The following ARMH3 variants were observed in gnomAD, a reference collection of about 807,000 sequenced individuals.
ARMH3 encodes armadillo like helical domain containing 3.
ARMH3 carries 60 observed loss-of-function variants against 99.1 expected under a neutral mutation model. The ratio of observed to expected loss-of-function variants is 0.61; its 90% CI spans 0.49 to 0.75. ARMH3 has a LOEUF of 0.75. ARMH3 is among the 30% of genes least tolerant of loss of function. The pLI is 0.00. For missense variants in ARMH3, 679 were observed against 843.1 expected (o/e 0.81, Z 2.41); for synonymous variants, 285 against 292.8 (o/e 0.97, Z 0.27).
At chr10:101,954,236 C>T (rs1027858002) in intron 22 of ARMH3, among the ~76,000 whole-genome samples, 1 of 152,116 alleles carries the variant, frequency 6.6e-6, no homozygotes, top group Non-Finnish European at 1.5e-5. Flanking sequence ...CAATAAGGTA[C>T]AAGAATGTTA....
At chr10:101,908,061 ACATGGCCAGTG>A (rs947522709) in intron 23 of ARMH3, among the ~76,000 whole-genome samples, 7 of 152,106 alleles carry the variant, frequency 4.6e-5, no homozygotes, top group African/African-American at 1.4e-4. Context: ...AGCATCTGAA[ACATGGCCAGTG>A]CAACTAAAGA....
At chr10:101,939,160 T>TA (rs1262412897) in intron 23 of ARMH3, among the ~76,000 whole-genome samples, 1 of 152,248 alleles carries the variant, frequency 6.6e-6, no homozygotes, top group East Asian at 1.9e-4. Flanking sequence ...TACTCAATGT[T>TA]AATTTTTCAA....
chr10:101,973,359 CAAAAAAAA>C (rs56712768), intron 20 of ARMH3, among the ~76,000 whole-genome samples: 1 of 80,158 alleles, frequency 1.2e-5, no homozygotes, highest in East Asian at 2.9e-4. Context: ...GACTCCGTCT[CAAAAAAAA>C]AAAAAAAAAA....
At chr10:101,855,679 G>A (rs2066721285) in intron 24 of ARMH3, among the ~76,000 whole-genome samples, 1 of 147,310 alleles carries the variant, frequency 6.8e-6, no homozygotes, top group Admixed American at 6.8e-5. Flanking sequence ...CCAAAGTGCT[G>A]GAATCACAGG....
At chr10:102,044,641 G>A (rs2067502861) in intron 1 of ARMH3, among the ~76,000 whole-genome samples, 1 of 152,138 alleles carries the variant, frequency 6.6e-6, no homozygotes, top group African/African-American at 2.4e-5. Context: ...TAGAATTGCA[G>A]GCGTGAGCCA....
rs58969567 is a variant in ARMH3, at chr10:102,015,391, AT to A, written c.670-1368del. ...AAAGTAGACTGTTTAAGGTTTTGGG[AT>A]TTTTTTTTTTTTTTTGAGACGGAAT... On this transcript the variant is annotated intron_variant, in intron 8 of 25. Coordinates refer to ENST00000370033, the MANE Select transcript of ARMH3 (RefSeq NM_024541.3). Among the ~76,000 whole-genome samples the A allele has an allele frequency of 2.7e-3, 387 of 141,816 alleles. 1 individual carries two copies. Among genetic ancestry groups the A allele is most frequent in the Middle Eastern group, 0.018 (5 of 278 alleles). 93.0% of individuals were successfully genotyped at this position (141,816 alleles called of 152,430 possible).
chr10:101,921,692 G>A (rs1564753918), intron 23 of ARMH3, among the ~76,000 whole-genome samples: 1 of 152,126 alleles, frequency 6.6e-6, no homozygotes, highest in Non-Finnish European at 1.5e-5. Flanking sequence ...AACACAGATG[G>A]AAAAGGAGGT....
chr10:101,895,253 T>A (rs146975203), intron 23 of ARMH3, among the ~76,000 whole-genome samples: 25 of 151,368 alleles, frequency 1.7e-4, no homozygotes, highest in African/African-American at 6.1e-4. Context: ...CAGATCTAAA[T>A]ATAAGGTCTA....
intron 23 of ARMH3, among the ~76,000 whole-genome samples, chr10:101,908,797 C>T (rs940844766): frequency 1.3e-5 from 2 of 151,086 alleles, no homozygotes; most frequent in Non-Finnish European, 2.9e-5. Flanking sequence ...CTGAGTAGCT[C>T]GGATTACAGG....
intron 24 of ARMH3, among the ~76,000 whole-genome samples, chr10:101,885,044 A>G (rs978190715): frequency 4.6e-5 from 7 of 152,254 alleles, no homozygotes; most frequent in African/African-American, 1.7e-4. Flanking sequence ...CAAATGGCTA[A>G]TATGTACATG....
intron 23 of ARMH3, among the ~76,000 whole-genome samples, chr10:101,926,576 G>T (rs924315075): frequency 6.6e-6 from 1 of 152,090 alleles, no homozygotes; most frequent in Non-Finnish European, 1.5e-5. Context: ...ACTGCACATG[G>T]TTTTAAAATA....
chr10:102,055,070 A>G (rs1486730887), intron 1 of ARMH3, among the ~76,000 whole-genome samples: 2 of 151,170 alleles, frequency 1.3e-5, no homozygotes, highest in African/African-American at 2.4e-5. Flanking sequence ...GCCTTTAATC[A>G]CAGCACTTTG....
chr10:101,889,980 C>T (rs1217800732), intron 23 of ARMH3, among the ~76,000 whole-genome samples: 3 of 152,134 alleles, frequency 2.0e-5, no homozygotes, highest in African/African-American at 7.2e-5. Flanking sequence ...AACCCAAAAG[C>T]TGAGTGTCAT....
At chr10:101,993,734 G>T in intron 16 of ARMH3, 131 bp from the exon 17 acceptor site, 1 of 557,064 alleles carries the variant, frequency 1.8e-6, no homozygotes, top group African/African-American at 1.9e-5. Flanking sequence ...AATAGGATGA[G>T]CCTAGAGCCT....
At chr10:102,045,780 TGTGA>T (rs1274892112) in intron 1 of ARMH3, among the ~76,000 whole-genome samples, 1 of 151,924 alleles carries the variant, frequency 6.6e-6, no homozygotes, top group Admixed American at 6.6e-5. Context: ...CATGAAGCAA[TGTGA>T]GTAAGTTACA....
chr10:102,014,317 C>A (rs2042902836), intron 8 of ARMH3, among the ~76,000 whole-genome samples: 1 of 152,178 alleles, frequency 6.6e-6, no homozygotes, highest in Non-Finnish European at 1.5e-5. Flanking sequence ...ACGATCTTTC[C>A]CTCTTACTTG....
chr10:102,040,501 C>T (rs1286460713), intron 1 of ARMH3, among the ~76,000 whole-genome samples: 2 of 152,178 alleles, frequency 1.3e-5, no homozygotes, highest in East Asian at 1.9e-4. Context: ...GAGTCACTGA[C>T]GTACCACTTA....
At chr10:102,038,617 C>T (rs1212478639) in intron 2 of ARMH3, among the ~76,000 whole-genome samples, 2 of 152,182 alleles carry the variant, frequency 1.3e-5, no homozygotes, top group Non-Finnish European at 2.9e-5. Flanking sequence ...CAAATTACTT[C>T]ATCTGTTAAA....
intron 22 of ARMH3, among the ~76,000 whole-genome samples, chr10:101,953,695 AAAC>A (rs746876486): frequency 2.0e-5 from 3 of 152,044 alleles, no homozygotes; most frequent in African/African-American, 7.2e-5. Context: ...ATCTAGAAGC[AAAC>A]AACAACAACA....
Sources: allele counts gnomAD v4.1 joint callset (sites outside exome capture counted in the v4.1 genomes callset), GRCh38; gene constraint gnomAD v4.1.1; transcripts MANE v1.5; gene names NCBI Gene and HGNC (gene_info 2026-07-23, HGNC 2026-07-21).